Variants in MGAT4D observed in about 807,000 individuals in gnomAD.
MGAT4D encodes the protein MGAT4 family member D, also known as alpha-1,3-mannosyl-glycoprotein 4-beta-N-acetylglucosaminyltransferase-like protein MGAT4D.
In MGAT4D, 34 loss-of-function variants were observed where a neutral mutation model predicts 15.9. That is an observed-to-expected ratio of 2.14 (90% CI 1.62 to 2.84). The LOEUF is 2.84. Ranked by LOEUF, MGAT4D falls within the 30% of genes most tolerant of loss-of-function variation. The pLI is 0.00. For missense variants in MGAT4D, 327 were observed against 140.2 expected (o/e 2.33, Z -6.73); for synonymous variants, 112 against 48.2 (o/e 2.33, Z -5.49).
At chr4:140,465,218 T>C (rs1731454228) in intron 5 of MGAT4D, among the ~76,000 whole-genome samples, 1 of 152,224 alleles carries the variant, frequency 6.6e-6, no homozygotes, top group African/African-American at 2.4e-5. Flanking sequence ...CAATATAAAA[T>C]TAGTTTCTTC....
intron 6 of MGAT4D, 96 bp downstream of exon 6, chr4:140,464,800 C>A: frequency 1.5e-6 from 1 of 655,160 alleles, no homozygotes; most frequent in Admixed American, 2.2e-5. Flanking sequence ...CTCCAGAACA[C>A]CACTGTGTCT....
At chr4:140,480,252 G>T (rs541818075) in intron 2 of MGAT4D, among the ~76,000 whole-genome samples, 96 of 152,250 alleles carry the variant, frequency 6.3e-4, no homozygotes, top group African/African-American at 2.2e-3. Context: ...AAAGACAGTT[G>T]ATAAAGGTGT....
At chr4:140,450,234 A>G (rs1001155979) in intron 10 of MGAT4D, 1 of 239,852 alleles carries the variant, frequency 4.2e-6, no homozygotes, top group Non-Finnish European at 7.9e-6. Flanking sequence ...AGCCAGCATT[A>G]TAACATCAAA....
At position 140,475,015 on chromosome 4, in the gene MGAT4D, A is replaced by G. The variant is rs141085049; in HGVS notation, c.392-69T>C. On this transcript the variant is annotated intron_variant, in intron 3 of 10. Transcript: ENST00000511113. ...AAAAACATAGTTTACCATTCATTCT[A>G]TGCTTATTCCTATGTTTGGGTTAGT... 9.9e-3 allele frequency: 4,727 copies of G among 475,974 alleles called. 41 individuals are homozygous for G. The highest frequency in any genetic ancestry group is 0.014 in the Non-Finnish European group (3,840 of 268,736). The allele number at this position is 475,974 out of a possible 1,614,324, so 29.5% of individuals were successfully genotyped here.
Position 140,474,810 on chromosome 4 carries a change from T to C in MGAT4D, c.525+3A>G, listed in dbSNP as rs766530592. The stretch of plus-strand genomic sequence containing the variant: ...AGGAGAGCTCCTTATTTTGTATACG[T>C]ACATCTGCAACCAAGACAATCACTA... On this transcript the variant is annotated splice_donor_region_variant and intron_variant, in intron 4 of 10. Transcript: ENST00000511113. 5 of 670,324 alleles carry C rather than the reference T, an allele frequency of 7.5e-6. No homozygotes were observed. The African/African-American group carries it at 9.0e-5, about 12-fold the overall frequency. The allele number at this position is 670,324 out of a possible 1,614,324, so 41.5% of individuals were successfully genotyped here.
intron 1 of MGAT4D, 50 bp downstream of exon 1, chr4:140,498,079 C>T (rs1045882170): frequency 1.3e-5 from 9 of 692,880 alleles, no homozygotes; most frequent in East Asian, 2.8e-5. Context: ...TCCTGCAGCC[C>T]CGAAGCCCCC....
intron 1 of MGAT4D, among the ~76,000 whole-genome samples, chr4:140,496,837 T>TAA (rs11377340): frequency 8.6e-5 from 13 of 150,704 alleles, no homozygotes; most frequent in South Asian, 2.1e-4. Context: ...AACTCTGTCT[T>TAA]AAAAAAAAAA....
chr4:140,458,769 A>C (rs1730973336), intron 8 of MGAT4D: 1 of 152,222 alleles, frequency 6.6e-6, no homozygotes, highest in Non-Finnish European at 1.5e-5. Context: ...GATATTGTAT[A>C]TTTATAAGTG....
intron 5 of MGAT4D, among the ~76,000 whole-genome samples, chr4:140,465,407 G>A (rs141933262): frequency 6.6e-6 from 1 of 152,270 alleles, no homozygotes; most frequent in East Asian, 1.9e-4. Flanking sequence ...GAATAGCAAT[G>A]TGGCTCCTGA....
intron 2 of MGAT4D, among the ~76,000 whole-genome samples, 157 bp downstream of exon 2, chr4:140,482,170 T>A (rs1338128018): frequency 6.6e-6 from 1 of 152,134 alleles, no homozygotes; most frequent in Non-Finnish European, 1.5e-5. Flanking sequence ...TGAGAAGAAG[T>A]AGGTCAGTGA....
intron 10 of MGAT4D, among the ~76,000 whole-genome samples, chr4:140,448,575 G>T (rs1390536399): frequency 6.6e-6 from 1 of 152,056 alleles, no homozygotes; most frequent in African/African-American, 2.4e-5. Flanking sequence ...TTTTATACTG[G>T]TTATTTTATC....
In MGAT4D at chr4:140,459,497, A is replaced by G; in HGVS notation, c.877+15T>C. 1 of 451,788 alleles carries G rather than the reference A, an allele frequency of 2.2e-6. No individual in the cohort carries two copies. The allele number at this position is 451,788 out of a possible 1,614,324, so 28.0% of individuals were successfully genotyped here. A position where few individuals can be genotyped will look rare whatever the true frequency, so the allele number is the denominator to read the frequency against. On this transcript the variant is annotated intron_variant, in intron 8 of 10. Coordinates refer to ENST00000511113, the MANE Select transcript of MGAT4D (RefSeq NM_001277353.2). ...GCTAAAAAACTTGATCCAACAAAGT[A>G]AATCCATTGCTTACCTATGAATCCA...
Position 140,461,888 on chromosome 4 carries a change from C to CAT in MGAT4D, c.762+40_762+41insAT, listed in dbSNP as rs145972084. Reference sequence around the variant, plus strand: ...CAGATATAATTGGTGTATACACACACACACACACACACACACACACACACA... The same window carrying CAT: ...CAGATATAATTGGTGTATACACACACATACACACACACACACACACACACACA... On this transcript the variant is annotated intron_variant, in intron 7 of 10. Coordinates refer to ENST00000511113, the MANE Select transcript of MGAT4D (RefSeq NM_001277353.2). 5 of 598,294 alleles carry CAT rather than the reference C, an allele frequency of 8.4e-6. No individual in the cohort carries two copies. The African/African-American group carries it at 9.2e-5, about 11-fold the overall frequency. 37.1% of individuals were successfully genotyped at this position (598,294 alleles called of 1,614,324 possible). A position where few individuals can be genotyped will look rare whatever the true frequency, so the allele number is the denominator to read the frequency against.
At chr4:140,453,356 C>A (rs1329560242) in intron 9 of MGAT4D, among the ~76,000 whole-genome samples, 2 of 151,918 alleles carry the variant, frequency 1.3e-5, no homozygotes, top group Non-Finnish European at 2.9e-5. Flanking sequence ...AACATTCATA[C>A]CTTTACTAGG....
chr4:140,467,391 T>A (rs1452303971), intron 5 of MGAT4D, among the ~76,000 whole-genome samples: 1 of 152,090 alleles, frequency 6.6e-6, no homozygotes, highest in African/African-American at 2.4e-5. Context: ...GGAAATAACA[T>A]CAAGTTGCAG....
At chr4:140,496,354 C>G (rs552975663) in intron 1 of MGAT4D, among the ~76,000 whole-genome samples, 1 of 152,286 alleles carries the variant, frequency 6.6e-6, no homozygotes, top group African/African-American at 2.4e-5. Flanking sequence ...GTTTCATTCT[C>G]AAGAACAGTA....
chr4:140,464,048 C>T (rs993577269), intron 6 of MGAT4D, among the ~76,000 whole-genome samples: 1 of 152,064 alleles, frequency 6.6e-6, no homozygotes, highest in African/African-American at 2.4e-5. Flanking sequence ...ATATAAAAGG[C>T]TGAAGGAAAA....
At chr4:140,446,747 T>G (rs1472733303) in intron 10 of MGAT4D, among the ~76,000 whole-genome samples, 3 of 70,526 alleles carry the variant, frequency 4.3e-5, no homozygotes, top group Non-Finnish European at 8.1e-5. Context: ...TCTCTAGTTT[T>G]TTTTTTTTTT....
At chr4:140,456,903 T>G in intron 8 of MGAT4D, 184 bp from the exon 9 acceptor site, 2 of 348,724 alleles carry the variant, frequency 5.7e-6, no homozygotes, top group South Asian at 6.7e-5. Flanking sequence ...TATTAAGGAT[T>G]ACCACATCTG....
Sources: allele counts gnomAD v4.1 joint callset (sites outside exome capture counted in the v4.1 genomes callset), GRCh38; gene constraint gnomAD v4.1.1; transcripts MANE v1.5; gene names NCBI Gene and HGNC (gene_info 2026-07-23, HGNC 2026-07-21).